Variants in CEP63 observed in about 807,000 individuals in gnomAD.
CEP63 encodes centrosomal protein of 63 kDa.
A neutral mutation model predicts 89.1 loss-of-function variants in CEP63; 84 were observed. The ratio of observed to expected loss-of-function variants is 0.94; its 90% CI spans 0.79 to 1.13. The LOEUF (loss-of-function observed/expected upper bound fraction) is 1.13, where lower values mean the gene tolerates loss of function less well. CEP63 is among the 50% of genes most tolerant of loss of function. The pLI, the probability that CEP63 is intolerant of heterozygous loss-of-function variation, is 0.00. For synonymous variants in CEP63, 267 were observed against 272.5 expected, an observed-to-expected ratio of 0.98 and a Z score of 0.20; for missense variants, 838 against 813.3, an observed-to-expected ratio of 1.03 and a Z score of -0.37.
chr3:134,642,951 CTTAAT>C, the CEP63 span, among the ~76,000 whole-genome samples: 3 of 152,152 alleles, frequency 2.0e-5, no homozygotes, highest in Non-Finnish European at 4.4e-5. Context: ...TGCTGTGAAG[CTTAAT>C]TTACATGAGA....
chr3:134,701,555 A>G, the CEP63 span, among the ~76,000 whole-genome samples: 2 of 151,560 alleles, frequency 1.3e-5, no homozygotes, highest in Non-Finnish European at 1.5e-5. Context: ...TACTATGGAC[A>G]TCAAGGGTAT....
At chr3:134,741,987 AGTGTGT>A in the CEP63 span, among the ~76,000 whole-genome samples, 4 of 147,508 alleles carry the variant, frequency 2.7e-5, no homozygotes, top group Non-Finnish European at 4.5e-5. Context: ...CTGAGAGACC[AGTGTGT>A]GTGTGTGTGT....
At chr3:134,661,554 A>G in the CEP63 span, among the ~76,000 whole-genome samples, 3 of 151,346 alleles carry the variant, frequency 2.0e-5, no homozygotes, top group Non-Finnish European at 4.4e-5. Context: ...TAACAATGGA[A>G]TTGAAGAGGG....
At chr3:134,744,781 G>A in the CEP63 span, among the ~76,000 whole-genome samples, 1 of 152,128 alleles carries the variant, frequency 6.6e-6, no homozygotes, top group South Asian at 2.1e-4. Context: ...TCCTTCCAAA[G>A]TGCTAGGATT....
downstream of CEP63, among the ~76,000 whole-genome samples, chr3:134,590,613 C>T (rs78324267): frequency 0.016 from 2,463 of 152,314 alleles, 55 homozygotes; most frequent in African/African-American, 0.055. Flanking sequence ...CGTCCAAACA[C>T]AGTGCCTAAC....
chr3:134,684,833 G>A, the CEP63 span, among the ~76,000 whole-genome samples: 1 of 152,158 alleles, frequency 6.6e-6, no homozygotes, highest in African/African-American at 2.4e-5. Flanking sequence ...ACCAATTTAG[G>A]CCTCATATCC....
chr3:134,668,292 G>C, the CEP63 span, among the ~76,000 whole-genome samples: 1 of 152,224 alleles, frequency 6.6e-6, no homozygotes, highest in Non-Finnish European at 1.5e-5. Flanking sequence ...TCTGCACTTG[G>C]AGAACTCTTG....
chr3:134,518,430 A>C (rs7609727), intron 3 of CEP63, among the ~76,000 whole-genome samples: 149,827 of 152,288 alleles, frequency 0.98, 73,750 homozygotes, highest in East Asian at 1. Context: ...AGAGGATTAG[A>C]ATCATGTTTT....
chr3:134,495,716 A>G (rs1235849661), intron 2 of CEP63, among the ~76,000 whole-genome samples: 4 of 152,204 alleles, frequency 2.6e-5, no homozygotes, highest in Non-Finnish European at 5.9e-5. Flanking sequence ...GTACCCATTA[A>G]CCAAACATTC....
the CEP63 span, among the ~76,000 whole-genome samples, chr3:134,715,580 C>T: frequency 5.4e-5 from 8 of 149,260 alleles, no homozygotes; most frequent in Non-Finnish European, 1.0e-4. Context: ...CAGATAGGCC[C>T]GGGGTCTCAC....
At chr3:134,538,132 G>A (rs1951144003) in intron 6 of CEP63, among the ~76,000 whole-genome samples, 1 of 149,548 alleles carries the variant, frequency 6.7e-6, no homozygotes, top group African/African-American at 2.5e-5. Context: ...TGTCAAGGTT[G>A]GTAGTTATCT....
chr3:134,654,539 G>C, the CEP63 span, among the ~76,000 whole-genome samples: 11 of 152,300 alleles, frequency 7.2e-5, no homozygotes, highest in East Asian at 2.1e-3. Context: ...AACTCCCTCA[G>C]CCTACCCTGA....
the CEP63 span, among the ~76,000 whole-genome samples, chr3:134,662,274 C>G: frequency 2.4e-5 from 2 of 81,696 alleles, no homozygotes; most frequent in Non-Finnish European, 5.5e-5. Flanking sequence ...GAGACTTCAT[C>G]TCAAAAAAGA....
chr3:134,718,589 A>T, the CEP63 span, among the ~76,000 whole-genome samples: 1 of 152,348 alleles, frequency 6.6e-6, no homozygotes, highest in East Asian at 1.9e-4. Flanking sequence ...TTTTAAAGGA[A>T]GTCTTTGTTT....
At chr3:134,570,637 G>A (rs1236710218) in intron 11 of CEP63, among the ~76,000 whole-genome samples, 8 of 152,144 alleles carry the variant, frequency 5.3e-5, no homozygotes, top group Non-Finnish European at 1.2e-4. Context: ...ACATTTTCCT[G>A]TCTTCTTCTG....
At chr3:134,528,119 C>T (rs556235014) in intron 3 of CEP63, among the ~76,000 whole-genome samples, 1 of 152,260 alleles carries the variant, frequency 6.6e-6, no homozygotes, top group South Asian at 2.1e-4. Flanking sequence ...TAGTTCAGCT[C>T]ACTTGTTTTT....
the CEP63 span, among the ~76,000 whole-genome samples, chr3:134,715,407 G>C: frequency 6.6e-6 from 1 of 152,156 alleles, no homozygotes; most frequent in Non-Finnish European, 1.5e-5. Flanking sequence ...TAGAAGCTGG[G>C]TGATTCTGGG....
the CEP63 span, among the ~76,000 whole-genome samples, chr3:134,727,463 T>C: frequency 6.6e-6 from 1 of 152,188 alleles, no homozygotes; most frequent in Non-Finnish European, 1.5e-5. Flanking sequence ...CCTTGGTTAT[T>C]CATTTGTCCT....
At chr3:134,543,544 CCT>C (rs1952512490) in intron 6 of CEP63, among the ~76,000 whole-genome samples, 1 of 152,080 alleles carries the variant, frequency 6.6e-6, no homozygotes, top group African/African-American at 2.4e-5. Context: ...TTAAAGTATG[CCT>C]TGGTTTAACT....
Sources: allele counts gnomAD v4.1 joint callset (sites outside exome capture counted in the v4.1 genomes callset), GRCh38; gene constraint gnomAD v4.1.1; transcripts MANE v1.5; gene names NCBI Gene and HGNC (gene_info 2026-07-23, HGNC 2026-07-21).